GDA: variants seen among roughly 807,000 people sequenced by gnomAD.
GDA encodes guanine deaminase.
GDA carries 18 observed loss-of-function variants against 59.6 expected under a neutral mutation model. The ratio of observed to expected loss-of-function variants is 0.30; its 90% CI spans 0.21 to 0.45. The LOEUF is 0.45. GDA is among the 20% of genes least tolerant of loss of function. The pLI, the probability that GDA is intolerant of heterozygous loss-of-function variation, is 1.00. For missense variants in GDA, 427 were observed against 552.3 expected, an observed-to-expected ratio of 0.77 and a Z score of 2.27; for synonymous variants, 201 against 201.1, an observed-to-expected ratio of 1.00 and a Z score of 0.00.
At chr9:72,218,100 G>A (rs1284189253) in intron 5 of GDA, among the ~76,000 whole-genome samples, 1 of 152,030 alleles carries the variant, frequency 6.6e-6, no homozygotes, top group Non-Finnish European at 1.5e-5. Context: ...TTTTAGTAGA[G>A]ATGAGGTTTT....
At chr9:72,255,321 C>CA (rs1221541530), downstream of GDA, among the ~76,000 whole-genome samples, 1 of 152,152 alleles carries the variant, frequency 6.6e-6, no homozygotes, top group Non-Finnish European at 1.5e-5. Flanking sequence ...TGTAAATTGT[C>CA]ATGGTGCTGG....
At chr9:72,148,135 T>A (rs1209072552), upstream of GDA, among the ~76,000 whole-genome samples, 1 of 152,176 alleles carries the variant, frequency 6.6e-6, no homozygotes, top group Admixed American at 6.5e-5. Context: ...CACACTGCAA[T>A]GAAACCCTCA....
At chr9:72,134,991 G>C (rs541688265) in intron 1 of GDA, among the ~76,000 whole-genome samples, 6 of 152,210 alleles carry the variant, frequency 3.9e-5, no homozygotes, top group African/African-American at 1.4e-4. Context: ...GTTTCTTCTT[G>C]GTTACTTCCC....
chr9:72,150,201 C>G (rs368934113), intron 1 of GDA, among the ~76,000 whole-genome samples: 53 of 152,238 alleles, frequency 3.5e-4, no homozygotes, highest in African/African-American at 1.3e-3. Flanking sequence ...TATCATTCAA[C>G]AGAGATAATA....
intron 9 of GDA, 93 bp downstream of exon 9, chr9:72,228,133 T>G (rs142874126): frequency 1.9e-5 from 14 of 743,820 alleles, no homozygotes; most frequent in South Asian, 9.3e-5. Flanking sequence ...TCCTCCAGGA[T>G]CTCCCCTCTA....
Position 72,195,506 on chromosome 9 carries a change from T to C in GDA, c.130T>C (p.Phe44Leu), listed in dbSNP as rs1158926558. The C allele has an allele frequency of 6.9e-7, 1 of 1,456,558 alleles. No individual in the cohort carries two copies. Among genetic ancestry groups the C allele is most frequent in the Non-Finnish European group, 9.5e-7 (1 of 1,047,636 alleles). 90.2% of individuals were successfully genotyped at this position (1,456,558 alleles called of 1,614,324 possible). ...LGVSDSGKIV[F>L]LEEASQQEKL... ...TTCTTTCTTTCTTTTAAAGATAGTG[T>C]TTTTAGAAGAAGCATCTCAACAGGA... Residue 44 changes from phenylalanine to leucine, a missense_variant, in exon 2 of 14, where the codon TTT becomes CTT. Transcript: ENST00000358399.
At chr9:72,142,815 C>T (rs1245974790) in intron 1 of GDA, among the ~76,000 whole-genome samples, 1 of 152,026 alleles carries the variant, frequency 6.6e-6, no homozygotes, top group Non-Finnish European at 1.5e-5. Context: ...GTTGCCCAGG[C>T]TGGAGTGCAA....
intron 2 of GDA, among the ~76,000 whole-genome samples, chr9:72,198,218 A>G (rs1021177952): frequency 2.0e-5 from 3 of 151,454 alleles, no homozygotes; most frequent in Non-Finnish European, 4.4e-5. Context: ...AACATGGTGA[A>G]ACCTGTCTCT....
chr9:72,206,781 A>T (rs563356734), intron 3 of GDA, among the ~76,000 whole-genome samples: 1 of 151,788 alleles, frequency 6.6e-6, no homozygotes, highest in Non-Finnish European at 1.5e-5. Flanking sequence ...CAATAATAAT[A>T]ATTATTATAA....
intron 5 of GDA, among the ~76,000 whole-genome samples, chr9:72,214,440 T>G (rs1835828412): frequency 6.6e-6 from 1 of 151,508 alleles, no homozygotes; most frequent in African/African-American, 2.4e-5. Context: ...GGACTATAGG[T>G]GCATGCCACC....
intron 1 of GDA, among the ~76,000 whole-genome samples, chr9:72,125,954 T>C (rs1825831060): frequency 6.6e-6 from 1 of 152,230 alleles, no homozygotes; most frequent in South Asian, 2.1e-4. Context: ...TCTCGCTCTG[T>C]TGCCCAGGCT....
intron 1 of GDA, among the ~76,000 whole-genome samples, chr9:72,180,290 G>A (rs1398343020): frequency 4.6e-5 from 7 of 152,166 alleles, no homozygotes; most frequent in Non-Finnish European, 1.0e-4. Flanking sequence ...CCGGGAGGCA[G>A]AGGTTGCAGT....
At chr9:72,204,555 TA>T (rs923841480) in intron 3 of GDA, among the ~76,000 whole-genome samples, 1 of 152,178 alleles carries the variant, frequency 6.6e-6, no homozygotes, top group African/African-American at 2.4e-5. Context: ...CTTTTATGAT[TA>T]AAAAACACAT....
chr9:72,167,465 T>C (rs755261979), intron 1 of GDA, among the ~76,000 whole-genome samples: 1 of 152,216 alleles, frequency 6.6e-6, no homozygotes, highest in Non-Finnish European at 1.5e-5. Flanking sequence ...TTGATGAGCA[T>C]ACATTTAAGA....
rs770347450 is a variant in GDA at position 72,149,549 on chromosome 9, C to T, written c.-11C>T. Reference sequence around the variant, plus strand: ...TCGACCAGCAGACCCGCGCTGCGCTCCGCCGCTGACATGTGTGCCGCTCAG... The same window carrying T: ...TCGACCAGCAGACCCGCGCTGCGCTTCGCCGCTGACATGTGTGCCGCTCAG... On this transcript the variant is annotated 5_prime_UTR_variant, in exon 1 of 14. Coordinates refer to ENST00000358399, the MANE Select transcript of GDA (RefSeq NM_004293.5). The T allele has an allele frequency of 6.2e-7, 1 of 1,609,000 alleles. No homozygotes were observed. Among genetic ancestry groups the T allele is most frequent in the Non-Finnish European group, 8.5e-7 (1 of 1,178,812 alleles).
intron 1 of GDA, among the ~76,000 whole-genome samples, chr9:72,140,042 C>T (rs1352044705): frequency 6.6e-6 from 1 of 152,080 alleles, no homozygotes; most frequent in Non-Finnish European, 1.5e-5. Flanking sequence ...TAGGGAACCC[C>T]GCGTTCCCTA....
rs1468970575 is a variant in GDA at position 72,195,505 on chromosome 9, G to A, written c.129G>A (p.Val43=). The A allele has an allele frequency of 1.4e-6, 2 of 1,445,828 alleles. No homozygotes were observed. The highest frequency in any genetic ancestry group is 2.3e-5 in the East Asian group (1 of 43,402). 89.6% of individuals were successfully genotyped at this position (1,445,828 alleles called of 1,614,324 possible). A position where few individuals can be genotyped will look rare whatever the true frequency, so the allele number is the denominator to read the frequency against. The stretch of plus-strand genomic sequence containing the variant: ...TTTCTTTCTTTCTTTTAAAGATAGT[G>A]TTTTTAGAAGAAGCATCTCAACAGG... The part of the protein sequence containing the change: ...LLGVSDSGKI[V]FLEEASQQEK... Residue 43 remains valine (V), a synonymous_variant, in exon 2 of 14, where the codon GTG becomes GTA. Coordinates refer to ENST00000358399, the MANE Select transcript of GDA (RefSeq NM_004293.5).
At chr9:72,178,737 C>T (rs10869140) in intron 1 of GDA, among the ~76,000 whole-genome samples, 5 of 151,844 alleles carry the variant, frequency 3.3e-5, no homozygotes, top group Non-Finnish European at 5.9e-5. Flanking sequence ...TTTTTATGGG[C>T]GACTGTTCTG....
chr9:72,193,831 T>C (rs1384006574), intron 1 of GDA: 1 of 152,234 alleles, frequency 6.6e-6, no homozygotes, highest in Non-Finnish European at 1.5e-5. Context: ...TATTGTACTG[T>C]GGCTGGGCTG....
Sources: gnomAD v4.1 joint callset for allele counts (sites outside exome capture counted in the v4.1 genomes callset) on GRCh38, gnomAD v4.1.1 for gene constraint, MANE v1.5 for transcripts, NCBI Gene and HGNC (gene_info 2026-07-23, HGNC 2026-07-21) for gene names.